The following FBN1 variants were observed in gnomAD, a reference collection of about 807,000 sequenced individuals.
FBN1 encodes fibrillin-1.
A neutral mutation model predicts 365.1 loss-of-function variants in FBN1; 29 were observed. That is an observed-to-expected ratio of 0.08 (90% CI 0.06 to 0.11). FBN1 has a LOEUF of 0.11. Among genes scored for constraint, FBN1 ranks in the 10% least tolerant of loss-of-function variants. The pLI is 1.00. For missense variants in FBN1, 2,476 were observed against 3,703.2 expected, an observed-to-expected ratio of 0.67 and a Z score of 8.60; for synonymous variants, 1,210 against 1,270.5, an observed-to-expected ratio of 0.95 and a Z score of 1.01.
chr15:48,459,952 C>A (rs1467346289), intron 43 of FBN1, among the ~76,000 whole-genome samples: 1 of 152,222 alleles, frequency 6.6e-6, no homozygotes, highest in Non-Finnish European at 1.5e-5. Context: ...ACTGGCCCCA[C>A]TCCCAGAATC....
At chr15:48,622,732 T>G (rs1178330109) in intron 2 of FBN1, among the ~76,000 whole-genome samples, 1 of 152,118 alleles carries the variant, frequency 6.6e-6, no homozygotes, top group Non-Finnish European at 1.5e-5. Flanking sequence ...ACCTGTCAAC[T>G]CTTATCTTTA....
intron 8 of FBN1, among the ~76,000 whole-genome samples, chr15:48,533,070 C>G (rs1466347499): frequency 2.0e-5 from 3 of 152,162 alleles, no homozygotes; most frequent in African/African-American, 2.4e-5. Flanking sequence ...TTAAAGCTGT[C>G]TTTTGCTCAT....
intron 44 of FBN1, 53 bp from the exon 45 acceptor site, chr15:48,452,737 C>A: frequency 6.2e-7 from 1 of 1,602,500 alleles, no homozygotes; most frequent in South Asian, 1.1e-5. Flanking sequence ...GGTGTCCAGT[C>A]AACAAAGCCT....
intron 56 of FBN1, among the ~76,000 whole-genome samples, chr15:48,430,051 C>T (rs964944020): frequency 6.6e-6 from 1 of 152,154 alleles, no homozygotes; most frequent in Non-Finnish European, 1.5e-5. Context: ...GGACAATATG[C>T]AAATGAATGG....
intron 6 of FBN1, among the ~76,000 whole-genome samples, chr15:48,549,199 A>G (rs571404804): frequency 5.3e-5 from 8 of 152,344 alleles, no homozygotes; most frequent in African/African-American, 1.7e-4. Flanking sequence ...GGGACTTGGT[A>G]GGTCTAAAGG....
chr15:48,644,614 C>T lies in FBN1; in HGVS notation c.156G>A (p.Ala52=). 2 of 1,614,084 alleles carry T rather than the reference C, an allele frequency of 1.2e-6. No homozygotes were observed. Among genetic ancestry groups the T allele is most frequent in the Non-Finnish European group, 1.7e-6 (2 of 1,180,022 alleles). ...AKRRGGGGHD[A]LKGPNVCGSR... ...GGAACCGGTTCCTTTACCCTTTAAG[C>T]GCGTCGTGTCCTCCACCGCCTCTTC... The change falls in exon 2 of 66, where the codon GCG becomes GCA. Residue 52 remains alanine (A), a synonymous_variant. Coordinates refer to ENST00000316623, the MANE Select transcript of FBN1 (RefSeq NM_000138.5).
intron 58 of FBN1, 96 bp downstream of exon 58, chr15:48,427,471 G>GGCA (rs1438905292): frequency 3.9e-6 from 5 of 1,273,778 alleles, no homozygotes; most frequent in Non-Finnish European, 5.6e-6. Flanking sequence ...ATTCAACCTA[G>GGCA]GCACATATTG....
intron 64 of FBN1, among the ~76,000 whole-genome samples, chr15:48,414,285 G>A (rs190585607): frequency 1.3e-5 from 2 of 152,254 alleles, no homozygotes; most frequent in Admixed American, 6.5e-5. Context: ...TGCTTCCCAC[G>A]AAACATTCTT....
chr15:48,541,671 A>G (rs988612020), intron 6 of FBN1, among the ~76,000 whole-genome samples: 11 of 151,732 alleles, frequency 7.2e-5, no homozygotes, highest in African/African-American at 2.7e-4. Flanking sequence ...TAATAATCCA[A>G]TTATTTACAA....
intron 57 of FBN1, 196 bp from the exon 58 acceptor site, chr15:48,427,969 G>C (rs2042993392): frequency 2.9e-6 from 2 of 700,862 alleles, no homozygotes; most frequent in Admixed American, 2.0e-5. Flanking sequence ...AAGACATTCA[G>C]TAAGTAGGCA....
Position 48,495,529 on chromosome 15 carries a change from A to G in FBN1, c.2479T>C (p.Ser827Pro), listed in dbSNP as rs193922189. ...INGVCKNSPGSFICECSSEST... is the reference protein window; with the variant it reads ...INGVCKNSPGPFICECSSEST... ...TCAGAAGAACATTCACAAATAAAAG[A>G]GCCTGGGCTGTTCTTGCAGACTCCA... Residue 827 changes from serine to proline, a missense_variant, in exon 21 of 66, where the codon TCT becomes CCT. This residue lies in a region of FBN1 where 1,780 missense variants were observed against 2,840.8 expected (regional missense o/e 0.63). Coordinates refer to ENST00000316623, the MANE Select transcript of FBN1 (RefSeq NM_000138.5). 1 of 1,614,102 alleles carries G rather than the reference A, an allele frequency of 6.2e-7. No individual in the cohort carries two copies. Among genetic ancestry groups the G allele is most frequent in the Non-Finnish European group, 8.5e-7 (1 of 1,179,992 alleles).
chr15:48,506,043 G>C (rs750797888), intron 15 of FBN1, among the ~76,000 whole-genome samples: 1 of 151,962 alleles, frequency 6.6e-6, no homozygotes, highest in African/African-American at 2.4e-5. Flanking sequence ...GCCAACATGG[G>C]GAAACTCCAT....
At chr15:48,469,506 A>G (rs1036219919) in intron 36 of FBN1, among the ~76,000 whole-genome samples, 9 of 152,124 alleles carry the variant, frequency 5.9e-5, no homozygotes, top group Non-Finnish European at 8.8e-5. Flanking sequence ...CACTCTGTAC[A>G]ATTCCTTTTG....
intron 35 of FBN1, among the ~76,000 whole-genome samples, chr15:48,471,930 T>C (rs553935651): frequency 6.6e-6 from 1 of 152,338 alleles, no homozygotes; most frequent in African/African-American, 2.4e-5. Context: ...CCAACACTTA[T>C]CAGAATGACA....
chr15:48,592,738 G>A (rs756741130), intron 6 of FBN1, among the ~76,000 whole-genome samples: 4 of 152,160 alleles, frequency 2.6e-5, no homozygotes, highest in Non-Finnish European at 5.9e-5. Context: ...AGCAGCAGGA[G>A]GTGGCAAACT....
intron 59 of FBN1, 112 bp from the exon 60 acceptor site, chr15:48,425,603 C>T: frequency 5.8e-6 from 9 of 1,546,512 alleles, no homozygotes; most frequent in Non-Finnish European, 8.0e-6. Context: ...AAAGGAAACT[C>T]TGTGTAGACT....
chr15:48,498,743 G>C (rs1001891274), intron 18 of FBN1, among the ~76,000 whole-genome samples: 1 of 152,108 alleles, frequency 6.6e-6, no homozygotes, highest in Non-Finnish European at 1.5e-5. Context: ...CAACCACACT[G>C]AGAGAGCACC....
chr15:48,476,556 C>T (rs2043419371), intron 32 of FBN1, among the ~76,000 whole-genome samples: 1 of 151,668 alleles, frequency 6.6e-6, no homozygotes, highest in Admixed American at 6.6e-5. Flanking sequence ...GTGATTGGCA[C>T]TCCTTCCCTT....
chr15:48,614,143 A>G (rs1427434251), intron 2 of FBN1, among the ~76,000 whole-genome samples: 1 of 152,222 alleles, frequency 6.6e-6, no homozygotes, highest in Non-Finnish European at 1.5e-5. Context: ...AGACTATAAT[A>G]CACAGAGACC....
Sources: allele counts gnomAD v4.1 joint callset (sites outside exome capture counted in the v4.1 genomes callset), GRCh38; gene constraint gnomAD v4.1.1; regional missense constraint gnomAD v4.1.1; transcripts MANE v1.5; gene names NCBI Gene and HGNC (gene_info 2026-07-23, HGNC 2026-07-21).